TRDN: variants seen among roughly 807,000 people sequenced by gnomAD.
The protein encoded by TRDN is triadin.
In TRDN, 161 loss-of-function variants were observed where a neutral mutation model predicts 149.7. The ratio of observed to expected loss-of-function variants is 1.08; its 90% CI spans 0.95 to 1.23. TRDN has a LOEUF of 1.23. TRDN is among the 50% of genes most tolerant of loss of function. TRDN has a pLI of 0.00. For synonymous variants in TRDN, 294 were observed against 250.5 expected (o/e 1.17, Z -1.64); for missense variants, 896 against 823.5 (o/e 1.09, Z -1.08).
intron 14 of TRDN, 115 bp downstream of exon 14, chr6:123,388,407 A>G: frequency 8.3e-7 from 1 of 1,202,384 alleles, no homozygotes. Context: ...ATGTATGCAC[A>G]TAATAGATCC....
chr6:123,339,934 T>A (rs1021179421), intron 21 of TRDN, among the ~76,000 whole-genome samples: 2 of 152,106 alleles, frequency 1.3e-5, no homozygotes, highest in Non-Finnish European at 2.9e-5. Flanking sequence ...CAGATTATGA[T>A]CAAAATAGCT....
intron 24 of TRDN, among the ~76,000 whole-genome samples, chr6:123,311,520 T>C (rs1484999824): frequency 1.3e-5 from 2 of 151,926 alleles, no homozygotes; most frequent in Non-Finnish European, 2.9e-5. Context: ...AATTGAATAA[T>C]GCCATTGGCC....
At chr6:123,564,233 G>A (rs1342783993) in intron 2 of TRDN, among the ~76,000 whole-genome samples, 2 of 152,086 alleles carry the variant, frequency 1.3e-5, no homozygotes, top group Non-Finnish European at 2.9e-5. Flanking sequence ...AAATAGGCCT[G>A]GGGTAGTGAG....
chr6:123,372,617 C>A (rs1350842766), intron 19 of TRDN, among the ~76,000 whole-genome samples: 1 of 152,032 alleles, frequency 6.6e-6, no homozygotes, highest in Non-Finnish European at 1.5e-5. Flanking sequence ...CAGTGCTACC[C>A]AAGGTTCTGA....
intron 11 of TRDN, 85 bp from the exon 12 acceptor site, chr6:123,438,207 C>T: frequency 1.1e-6 from 1 of 914,298 alleles, no homozygotes; most frequent in Non-Finnish European, 1.7e-6. Context: ...AGTGAGGCAT[C>T]TAATTTATCT....
chr6:123,359,206 A>C (rs1336282166), intron 20 of TRDN, among the ~76,000 whole-genome samples: 4 of 152,174 alleles, frequency 2.6e-5, no homozygotes, highest in Admixed American at 6.5e-5. Flanking sequence ...ATCTGTTCAC[A>C]AGGCTATCAC....
intron 2 of TRDN, among the ~76,000 whole-genome samples, chr6:123,564,035 G>A (rs1433572400): frequency 6.6e-6 from 1 of 152,150 alleles, no homozygotes; most frequent in African/African-American, 2.4e-5. Flanking sequence ...TAAGAATTAA[G>A]AACACTTCTT....
chr6:123,567,315 A>G (rs1450719913), intron 2 of TRDN, among the ~76,000 whole-genome samples: 1 of 152,158 alleles, frequency 6.6e-6, no homozygotes, highest in Non-Finnish European at 1.5e-5. Flanking sequence ...ATATCACGGG[A>G]CTTTTCTCTA....
chr6:123,472,487 C>T (rs182116037), intron 9 of TRDN, among the ~76,000 whole-genome samples: 43 of 152,316 alleles, frequency 2.8e-4, no homozygotes, highest in African/African-American at 5.5e-4. Context: ...AACTGTAAGG[C>T]GGCAGCAAGG....
intron 23 of TRDN, among the ~76,000 whole-genome samples, chr6:123,317,785 T>C (rs1477265642): frequency 6.6e-6 from 1 of 152,000 alleles, no homozygotes; most frequent in African/African-American, 2.4e-5. Context: ...ATATGTGGTA[T>C]ATGATCAACA....
chr6:123,266,177 T>A lies in TRDN; in HGVS notation c.1784-839A>T, dbSNP rs1395045753. Among the ~76,000 whole-genome samples, 53 of 89,314 alleles carry A rather than the reference T, an allele frequency of 5.9e-4. 1 individual carries two copies. The highest frequency in any genetic ancestry group is 1.9e-3 in the African/African-American group (46 of 23,848). The allele number at this position is 89,314 out of a possible 152,430, so 58.6% of individuals were successfully genotyped here. A position where few individuals can be genotyped will look rare whatever the true frequency, so the allele number is the denominator to read the frequency against. On this transcript the variant is annotated intron_variant, in intron 32 of 40. Transcript: ENST00000334268. ...TATATATTATAATATGTATTATATA[T>A]TATATATATTATAATATGTATTATA...
intron 23 of TRDN, among the ~76,000 whole-genome samples, chr6:123,317,944 C>T (rs1186098641): frequency 6.6e-6 from 1 of 151,874 alleles, no homozygotes; most frequent in Non-Finnish European, 1.5e-5. Context: ...ATAGCTGTTG[C>T]ATTTATATTT....
At chr6:123,437,981 T>C (rs980976409) in intron 12 of TRDN, 82 bp downstream of exon 12, 2 of 1,201,122 alleles carry the variant, frequency 1.7e-6, no homozygotes, top group Non-Finnish European at 2.4e-6. Flanking sequence ...TGTGTGCAAT[T>C]TGTGTATGTT....
chr6:123,266,436 T>C lies in TRDN; in HGVS notation c.1784-1098A>G, dbSNP rs1390818155. 2.1e-5 allele frequency among the ~76,000 whole-genome samples: 2 copies of C among 95,660 alleles called. 1 individual carries two copies. Among genetic ancestry groups the C allele is most frequent in the Non-Finnish European group, 3.6e-5 (2 of 55,880 alleles). 62.8% of individuals were successfully genotyped at this position (95,660 alleles called of 152,430 possible). A position where few individuals can be genotyped will look rare whatever the true frequency, so the allele number is the denominator to read the frequency against. On this transcript the variant is annotated intron_variant, in intron 32 of 40. Coordinates refer to ENST00000334268, the MANE Select transcript of TRDN (RefSeq NM_006073.4). ...TATATAGATTATGATATGTATTATA[T>C]ATAATATATAGATTATGATATGTAT...
intron 10 of TRDN, among the ~76,000 whole-genome samples, chr6:123,463,349 A>AT (rs905761607): frequency 7.0e-6 from 1 of 143,494 alleles, no homozygotes; most frequent in African/African-American, 2.5e-5. Flanking sequence ...AGAAAAAAAA[A>AT]AAATAAATAA....
intron 7 of TRDN, among the ~76,000 whole-genome samples, chr6:123,510,641 A>G (rs1014709250): frequency 7.4e-5 from 6 of 80,690 alleles, no homozygotes; most frequent in Non-Finnish European, 1.5e-4. Context: ...ATGCATGACC[A>G]CTTTTTTTTT....
intron 14 of TRDN, among the ~76,000 whole-genome samples, chr6:123,384,605 A>C (rs898829079): frequency 2.0e-5 from 3 of 152,224 alleles, no homozygotes; most frequent in Admixed American, 6.5e-5. Flanking sequence ...AGAATATCTA[A>C]AATTTTAATC....
At chr6:123,544,679 T>G (rs991937666) in intron 4 of TRDN, among the ~76,000 whole-genome samples, 13 of 152,184 alleles carry the variant, frequency 8.5e-5, no homozygotes, top group African/African-American at 3.1e-4. Context: ...TGTAATAAAA[T>G]ATAGTATTTT....
At chr6:123,636,384 TTTAAG>T (rs1170008408) in intron 1 of TRDN, among the ~76,000 whole-genome samples, 3 of 151,970 alleles carry the variant, frequency 2.0e-5, no homozygotes, top group African/African-American at 7.2e-5. Flanking sequence ...AGTGTAATAT[TTTAAG>T]TTCATCATGG....
Sources: gnomAD v4.1 joint callset for allele counts (sites outside exome capture counted in the v4.1 genomes callset) on GRCh38, gnomAD v4.1.1 for gene constraint, MANE v1.5 for transcripts, NCBI Gene and HGNC (gene_info 2026-07-23, HGNC 2026-07-21) for gene names.